Variants in GABRB3 observed in about 807,000 individuals in gnomAD.
The protein encoded by GABRB3 is gamma-aminobutyric acid receptor subunit beta-3.
A neutral mutation model predicts 52.1 loss-of-function variants in GABRB3; 14 were observed. That is an observed-to-expected ratio of 0.27 (90% confidence interval 0.18 to 0.42). The LOEUF (loss-of-function observed/expected upper bound fraction) is 0.42. GABRB3 is among the 10% of genes least tolerant of loss of function. The probability of loss-of-function intolerance (pLI) is 1.00; values close to 1 mark genes in which losing one functional copy is unlikely to be tolerated. For missense variants in GABRB3, 307 were observed against 609.1 expected, an observed-to-expected ratio of 0.50 and a Z score of 5.22; for synonymous variants, 260 against 232.3, an observed-to-expected ratio of 1.12 and a Z score of -1.08.
intron 3 of GABRB3, among the ~76,000 whole-genome samples, chr15:26,684,754 A>G (rs1475479082): frequency 1.3e-5 from 2 of 152,132 alleles, no homozygotes; most frequent in Non-Finnish European, 2.9e-5. Context: ...CAGAACACAC[A>G]CAACACTGAT....
chr15:26,736,341 A>C (rs1185355471), intron 3 of GABRB3, among the ~76,000 whole-genome samples: 2 of 152,242 alleles, frequency 1.3e-5, no homozygotes, highest in Non-Finnish European at 2.9e-5. Flanking sequence ...ATTAGTATAA[A>C]GCAGACAAGA....
At chr15:26,649,912 T>C (rs1887144887) in intron 3 of GABRB3, among the ~76,000 whole-genome samples, 1 of 152,156 alleles carries the variant, frequency 6.6e-6, no homozygotes, top group Middle Eastern at 3.2e-3. Context: ...AAGGGGATAT[T>C]TTATTAGTGA....
chr15:26,686,193 C>T (rs1888400452), intron 3 of GABRB3, among the ~76,000 whole-genome samples: 1 of 152,142 alleles, frequency 6.6e-6, no homozygotes, highest in South Asian at 2.1e-4. Context: ...GATCTTCCTG[C>T]CTCCACCTCT....
intron 4 of GABRB3, among the ~76,000 whole-genome samples, chr15:26,604,167 T>C (rs1402164064): frequency 1.3e-5 from 2 of 151,988 alleles, no homozygotes; most frequent in Admixed American, 6.6e-5. Context: ...CCATTAACAA[T>C]AGCCACAAAT....
chr15:26,604,605 T>C (rs1566769131), intron 4 of GABRB3, among the ~76,000 whole-genome samples: 1 of 151,976 alleles, frequency 6.6e-6, no homozygotes, highest in Non-Finnish European at 1.5e-5. Flanking sequence ...AACCCAGAAA[T>C]AAATCTATAC....
At position 26,675,990 on chromosome 15, in the gene GABRB3, G is replaced by T. The variant is rs527718458; in HGVS notation, c.241-54456C>A. On this transcript the variant is annotated intron_variant, in intron 3 of 8. Transcript: ENST00000311550. Reference sequence around the variant, plus strand: ...CCAGTTGAGAAGTGAGTTCAGAAAGGCCTGATTAGAGTTTGGTCAAGGAGA... The same window carrying T: ...CCAGTTGAGAAGTGAGTTCAGAAAGTCCTGATTAGAGTTTGGTCAAGGAGA... Among the ~76,000 whole-genome samples, 3 of 152,264 alleles carry T rather than the reference G, an allele frequency of 2.0e-5. No homozygotes were observed. The South Asian group carries it at 6.2e-4, about 32-fold the overall frequency.
At chr15:26,592,158 G>GAC (rs1891232407) in intron 4 of GABRB3, among the ~76,000 whole-genome samples, 1 of 152,134 alleles carries the variant, frequency 6.6e-6, no homozygotes, top group Non-Finnish European at 1.5e-5. Context: ...TGTCACTCAA[G>GAC]ACTCTACCCA....
At chr15:26,744,206 A>G (rs1702829103) in intron 3 of GABRB3, among the ~76,000 whole-genome samples, 1 of 152,190 alleles carries the variant, frequency 6.6e-6, no homozygotes, top group African/African-American at 2.4e-5. Flanking sequence ...TTCAGGACAC[A>G]GCGGTTGAGT....
intron 3 of GABRB3, among the ~76,000 whole-genome samples, chr15:26,759,235 T>TAA (rs543559764): frequency 3.3e-5 from 5 of 151,000 alleles, no homozygotes; most frequent in African/African-American, 1.2e-4. Flanking sequence ...AGACTAGGAA[T>TAA]AAAAAAAAAT....
At chr15:26,684,007 TG>T (rs1185709294) in intron 3 of GABRB3, among the ~76,000 whole-genome samples, 1 of 140,978 alleles carries the variant, frequency 7.1e-6, no homozygotes, top group Non-Finnish European at 1.5e-5. Flanking sequence ...ATCCAAGGAA[TG>T]GGAAAAACCA....
At chr15:26,750,323 A>T (rs1201508484) in intron 3 of GABRB3, among the ~76,000 whole-genome samples, 1 of 152,210 alleles carries the variant, frequency 6.6e-6, no homozygotes, top group Non-Finnish European at 1.5e-5. Flanking sequence ...CAGTAGTGGA[A>T]TACTAAGGCT....
chr15:26,711,858 G>A (rs1022667599), intron 3 of GABRB3, among the ~76,000 whole-genome samples: 2 of 152,236 alleles, frequency 1.3e-5, no homozygotes, highest in African/African-American at 4.8e-5. Context: ...TTTGCGAAAA[G>A]TAAAACAAGT....
intron 3 of GABRB3, among the ~76,000 whole-genome samples, chr15:26,627,008 G>A (rs1408924655): frequency 6.6e-6 from 1 of 152,162 alleles, no homozygotes; most frequent in Non-Finnish European, 1.5e-5. Context: ...CAAATGACAG[G>A]CTGACTCTCT....
intron 3 of GABRB3, among the ~76,000 whole-genome samples, chr15:26,745,848 C>T (rs1890323225): frequency 6.6e-6 from 1 of 152,126 alleles, no homozygotes; most frequent in Non-Finnish European, 1.5e-5. Context: ...GCTTGTTTAA[C>T]GATTCACAAT....
At chr15:26,556,571 G>C (rs182968663) in intron 8 of GABRB3, among the ~76,000 whole-genome samples, 4 of 152,162 alleles carry the variant, frequency 2.6e-5, no homozygotes, top group African/African-American at 9.6e-5. Flanking sequence ...ATGAACTCTT[G>C]GGTATAGAAA....
chr15:26,661,091 T>TA (rs573612455), intron 3 of GABRB3, among the ~76,000 whole-genome samples: 1,832 of 149,356 alleles, frequency 0.012, 44 homozygotes, highest in African/African-American at 0.042. Flanking sequence ...CAGCCAAGAA[T>TA]AAAAAAAAAA....
At position 26,598,250 on chromosome 15, in the gene GABRB3, C is replaced by CAA. The variant is rs1285506385; in HGVS notation, c.462-14838_462-14837dup. On this transcript the variant is annotated intron_variant, in intron 4 of 8. Transcript: ENST00000311550. ...AACTGGTCGAATAAGAATTTTTAAG[C>CAA]AAAAAAACAAAAAAGGTAAATTAAC... 2.7e-5 allele frequency among the ~76,000 whole-genome samples: 4 copies of CAA among 150,184 alleles called. No homozygotes were observed. The East Asian group carries it at 7.8e-4, about 29-fold the overall frequency.
At chr15:26,739,623 A>G (rs1890151444) in intron 3 of GABRB3, among the ~76,000 whole-genome samples, 1 of 152,174 alleles carries the variant, frequency 6.6e-6, no homozygotes, top group Non-Finnish European at 1.5e-5. Context: ...AATAGCAAAT[A>G]CTAGGTGTCT....
chr15:26,654,958 G>A (rs549587189), intron 3 of GABRB3, among the ~76,000 whole-genome samples: 4 of 152,036 alleles, frequency 2.6e-5, no homozygotes, highest in South Asian at 2.1e-4. Flanking sequence ...TCACTCTCCC[G>A]AGTAGCTAAG....
Sources: allele counts gnomAD v4.1 joint callset (sites outside exome capture counted in the v4.1 genomes callset), GRCh38; gene constraint gnomAD v4.1.1; transcripts MANE v1.5; gene names NCBI Gene and HGNC (gene_info 2026-07-23, HGNC 2026-07-21).